Variants in NDUFAF2 observed in about 807,000 individuals in gnomAD.
The protein encoded by NDUFAF2 is NADH dehydrogenase [ubiquinone] 1 alpha subcomplex assembly factor 2.
Under a neutral mutation model 22.8 loss-of-function variants are expected in NDUFAF2, and 13 were observed. The observed-to-expected ratio is 0.57, with a 90% confidence interval of 0.37 to 0.91. NDUFAF2 has a LOEUF of 0.91. Ranked by LOEUF, NDUFAF2 falls within the 40% of genes least tolerant of loss-of-function variation. The probability of loss-of-function intolerance (pLI) is 0.01; values close to 1 mark genes in which losing one functional copy is unlikely to be tolerated. For missense variants in NDUFAF2, 162 were observed against 195.2 expected (o/e 0.83, Z 1.01); for synonymous variants, 53 against 64.2 (o/e 0.83, Z 0.84).
intron 3 of NDUFAF2, among the ~76,000 whole-genome samples, chr5:61,136,047 G>T (rs1247411763): frequency 2.5e-5 from 2 of 79,444 alleles, no homozygotes; most frequent in Admixed American, 1.1e-4. Flanking sequence ...ATATATCTAG[G>T]GTGGATTGCT....
intron 2 of NDUFAF2, among the ~76,000 whole-genome samples, chr5:61,095,335 CAG>C (rs1490868952): frequency 1.3e-5 from 2 of 152,224 alleles, no homozygotes; most frequent in East Asian, 3.9e-4. Context: ...GTTGGAACTG[CAG>C]AGTTATCCAA....
At chr5:61,131,929 T>G (rs1212438021) in intron 3 of NDUFAF2, among the ~76,000 whole-genome samples, 1 of 152,212 alleles carries the variant, frequency 6.6e-6, no homozygotes, top group East Asian at 1.9e-4. Flanking sequence ...GTATTACTTT[T>G]GCAGCTAAAA....
chr5:61,093,962 A>G (rs1461221818), intron 2 of NDUFAF2, among the ~76,000 whole-genome samples: 1 of 152,038 alleles, frequency 6.6e-6, no homozygotes, highest in Non-Finnish European at 1.5e-5. Context: ...CTGTTTAGGG[A>G]TTCAGTTTCC....
At chr5:61,001,605 T>C (rs748783846) in intron 1 of NDUFAF2, among the ~76,000 whole-genome samples, 1 of 152,152 alleles carries the variant, frequency 6.6e-6, no homozygotes, top group Non-Finnish European at 1.5e-5. Flanking sequence ...TCGGAAAATA[T>C]TTTATGACTT....
chr5:61,016,047 G>A (rs1324547656), intron 1 of NDUFAF2, among the ~76,000 whole-genome samples: 4 of 152,070 alleles, frequency 2.6e-5, no homozygotes, highest in African/African-American at 4.8e-5. Flanking sequence ...TTAGCTGGGC[G>A]TGGTGGTGCA....
intron 1 of NDUFAF2, among the ~76,000 whole-genome samples, chr5:61,011,668 A>G (rs1213161589): frequency 6.6e-6 from 1 of 152,080 alleles, no homozygotes; most frequent in African/African-American, 2.4e-5. Flanking sequence ...GAGCCATCCA[A>G]CATCTCCTTT....
intron 1 of NDUFAF2, among the ~76,000 whole-genome samples, chr5:61,072,065 C>A (rs780833408): frequency 1.3e-5 from 2 of 152,190 alleles, no homozygotes; most frequent in African/African-American, 4.8e-5. Flanking sequence ...CTCTCTGTTT[C>A]ATGTTTCTGC....
intron 1 of NDUFAF2, among the ~76,000 whole-genome samples, chr5:60,964,217 A>G (rs538681086): frequency 6.6e-6 from 1 of 152,234 alleles, no homozygotes; most frequent in East Asian, 1.9e-4. Context: ...ACTTTCCCCA[A>G]ATCAACCAAA....
At chr5:61,018,311 A>G (rs1751538096) in intron 1 of NDUFAF2, among the ~76,000 whole-genome samples, 1 of 152,308 alleles carries the variant, frequency 6.6e-6, no homozygotes, top group African/African-American at 2.4e-5. Context: ...AAATGCTACA[A>G]ATCAGGGCTT....
chr5:61,107,256 C>A (rs954071876), intron 3 of NDUFAF2, among the ~76,000 whole-genome samples: 2 of 151,152 alleles, frequency 1.3e-5, no homozygotes, highest in Non-Finnish European at 2.9e-5. Flanking sequence ...TGTTATTGCC[C>A]ATCTTTTTGA....
At chr5:60,990,251 A>G (rs1751140815) in intron 1 of NDUFAF2, among the ~76,000 whole-genome samples, 1 of 152,146 alleles carries the variant, frequency 6.6e-6, no homozygotes, top group South Asian at 2.1e-4. Context: ...ACTACAGTCA[A>G]CTATAATTTA....
chr5:60,959,231 T>A (rs1179947929), intron 1 of NDUFAF2, among the ~76,000 whole-genome samples: 1 of 152,076 alleles, frequency 6.6e-6, no homozygotes, highest in Non-Finnish European at 1.5e-5. Flanking sequence ...TCTTTAACAT[T>A]TGGGAAATTA....
chr5:60,963,017 T>G (rs371934771), intron 1 of NDUFAF2, among the ~76,000 whole-genome samples: 18 of 151,470 alleles, frequency 1.2e-4, no homozygotes, highest in African/African-American at 4.4e-4. Context: ...TCCCGAGTAG[T>G]TGGAACTACA....
chr5:61,061,344 C>T lies in NDUFAF2; in HGVS notation c.128-11781C>T, dbSNP rs531145188. Among the ~76,000 whole-genome samples the T allele has an allele frequency of 7.2e-5, 11 of 152,112 alleles. No homozygotes were observed. The South Asian group carries it at 8.3e-4, about 11-fold the overall frequency. On this transcript the variant is annotated intron_variant, in intron 1 of 3. Coordinates refer to ENST00000296597, the MANE Select transcript of NDUFAF2 (RefSeq NM_174889.5). ...TCATGGTAAGCAAGAGCCCTTTTAT[C>T]GCTCCAATTTTTATTTATTCATCTA...
chr5:60,950,289 C>T (rs558276926), intron 1 of NDUFAF2, among the ~76,000 whole-genome samples: 10 of 152,164 alleles, frequency 6.6e-5, no homozygotes, highest in South Asian at 2.1e-4. Context: ...TGGTTTCAAG[C>T]GATTTTTCTG....
chr5:61,056,437 A>G (rs1580115696), intron 1 of NDUFAF2, among the ~76,000 whole-genome samples: 2 of 152,310 alleles, frequency 1.3e-5, no homozygotes, highest in East Asian at 3.9e-4. Flanking sequence ...TCATGCTCCT[A>G]CAGCCTGCCT....
At chr5:61,070,475 A>G (rs1157179088) in intron 1 of NDUFAF2, among the ~76,000 whole-genome samples, 1 of 152,094 alleles carries the variant, frequency 6.6e-6, no homozygotes, top group Admixed American at 6.6e-5. Flanking sequence ...GCTTTATTTT[A>G]TATTACTAAA....
Position 61,003,206 on chromosome 5 carries a change from C to T in NDUFAF2, c.127+57824C>T, listed in dbSNP as rs540185975. 1.1e-3 allele frequency among the ~76,000 whole-genome samples: 162 copies of T among 152,188 alleles called. 4 individuals are homozygous for T. Among genetic ancestry groups the T allele is most frequent in the Non-Finnish European group, 1.2e-4 (8 of 67,990 alleles). ...GAATGCACAGATTCTCTGCAATCAA[C>T]GTTTGGAAGGTACAGTTACAGGCTG... On this transcript the variant is annotated intron_variant, in intron 1 of 3. Transcript: ENST00000296597.
chr5:61,017,276 G>C (rs773523520), intron 1 of NDUFAF2, among the ~76,000 whole-genome samples: 2 of 152,120 alleles, frequency 1.3e-5, no homozygotes, highest in Non-Finnish European at 2.9e-5. Context: ...CAGACTCAGA[G>C]AATTAAGCAT....
Sources: gnomAD v4.1 joint callset for allele counts (sites outside exome capture counted in the v4.1 genomes callset) on GRCh38, gnomAD v4.1.1 for gene constraint, MANE v1.5 for transcripts, NCBI Gene and HGNC (gene_info 2026-07-23, HGNC 2026-07-21) for gene names.